The following CCDC97 variants were observed in gnomAD, a reference collection of about 807,000 sequenced individuals.
CCDC97 encodes coiled-coil domain-containing protein 97.
A neutral mutation model predicts 33.9 loss-of-function variants in CCDC97; 27 were observed. That is an observed-to-expected ratio of 0.80 (90% CI 0.59 to 1.10). The LOEUF (loss-of-function observed/expected upper bound fraction) is 1.10, where lower values mean the gene tolerates loss of function less well. CCDC97 is among the 50% of genes least tolerant of loss of function. CCDC97 has a pLI of 0.00. For missense variants in CCDC97, 422 were observed against 476.6 expected, an observed-to-expected ratio of 0.89 and a Z score of 1.07; for synonymous variants, 217 against 194.0, an observed-to-expected ratio of 1.12 and a Z score of -0.99.
Position 41,319,421 on chromosome 19 carries a change from G to A in CCDC97, c.503-153G>A, listed in dbSNP as rs534642999. 3.4e-4 allele frequency among the ~76,000 whole-genome samples: 52 copies of A among 152,348 alleles called. 2 individuals are homozygous for A. The South Asian group carries it at 9.7e-3, about 29-fold the overall frequency. On this transcript the variant is annotated intron_variant, in intron 2 of 4. Transcript: ENST00000269967. ...ATGAGTACTCACGCGCACCTCAGGT[G>A]CCTGCATGTTTTCCTGTGTTTTTGA...
intron 3 of CCDC97, 26 bp downstream of exon 3, chr19:41,319,878 C>T (rs377192822): frequency 4.5e-6 from 5 of 1,113,494 alleles, no homozygotes; most frequent in Non-Finnish European, 6.5e-6. Context: ...AGGAAGACCC[C>T]AGATTCCAGA....
intron 4 of CCDC97, among the ~76,000 whole-genome samples, chr19:41,322,033 C>T (rs1310754758): frequency 6.6e-6 from 1 of 152,236 alleles, no homozygotes; most frequent in Non-Finnish European, 1.5e-5. Context: ...TTGAGAGCCA[C>T]TGCCTGCTTG....
chr19:41,321,534 C>T (rs936082461), intron 4 of CCDC97, among the ~76,000 whole-genome samples: 9 of 152,200 alleles, frequency 5.9e-5, no homozygotes, highest in East Asian at 1.9e-4. Flanking sequence ...CCAAAACCAA[C>T]GAAAGGCTTC....
intron 1 of CCDC97, among the ~76,000 whole-genome samples, chr19:41,311,597 G>A (rs1001523810): frequency 1.3e-5 from 2 of 152,104 alleles, no homozygotes; most frequent in African/African-American, 2.4e-5. Context: ...GCCAGGCGTC[G>A]TGGTATGTGC....
rs767479324 is a variant in CCDC97 at position 41,319,596 on chromosome 19, G to A, written c.525G>A (p.Glu175=). The A allele has an allele frequency of 3.7e-6, 6 of 1,608,876 alleles. No homozygotes were observed. In the East Asian group the frequency reaches 6.7e-5, roughly 18 times the overall value. ...CAGGGGGCGAGTACTTCAGTGATGA[G>A]CAGATGCGGTTCCGGGCCCCCCTGC... is the stretch of plus-strand genomic sequence containing the variant. ...LIQGGEYFSD[E]QMRFRAPLLY... Residue 175 remains glutamate (E), a synonymous_variant, in exon 3 of 5, where the codon GAG becomes GAA. Coordinates refer to ENST00000269967, the MANE Select transcript of CCDC97 (RefSeq NM_052848.3).
Position 41,323,764 on chromosome 19 carries a change from C to G in CCDC97, c.*1049C>G, listed in dbSNP as rs1313614906. 3 of 154,316 alleles carry G rather than the reference C, an allele frequency of 1.9e-5. No individual in the cohort carries two copies. The highest frequency in any genetic ancestry group is 7.2e-5 in the African/African-American group (3 of 41,498). 9.6% of individuals were successfully genotyped at this position (154,316 alleles called of 1,614,324 possible). On this transcript the variant is annotated 3_prime_UTR_variant, in exon 5 of 5. Coordinates refer to ENST00000269967, the MANE Select transcript of CCDC97 (RefSeq NM_052848.3). Reference sequence around the variant, plus strand: ...ACAGCCTGCCCCAGCGTCCCTGCCCCCAGCTGGCCGCAGGGCCCGCCCCAT... The same window carrying G: ...ACAGCCTGCCCCAGCGTCCCTGCCCGCAGCTGGCCGCAGGGCCCGCCCCAT...
At chr19:41,311,708 G>C (rs1162771346) in intron 1 of CCDC97, among the ~76,000 whole-genome samples, 1 of 151,818 alleles carries the variant, frequency 6.6e-6, no homozygotes, top group African/African-American at 2.4e-5. Context: ...CTGTACTCCA[G>C]TCTGGGTAAC....
intron 1 of CCDC97, among the ~76,000 whole-genome samples, chr19:41,313,642 T>A (rs773882165): frequency 1.3e-5 from 2 of 152,298 alleles, no homozygotes; most frequent in African/African-American, 2.4e-5. Flanking sequence ...GCAGGCTTGC[T>A]CCCTCCACTC....
Position 41,324,072 on chromosome 19 carries a change from G to A in CCDC97, c.*1357G>A, listed in dbSNP as rs768542516. 3 of 152,376 alleles carry A rather than the reference G, an allele frequency of 2.0e-5. No homozygotes were observed. The highest frequency in any genetic ancestry group is 6.5e-5 in the Admixed American group (1 of 15,290). 9.4% of individuals were successfully genotyped at this position (152,376 alleles called of 1,614,324 possible). A position where few individuals can be genotyped will look rare whatever the true frequency, so the allele number is the denominator to read the frequency against. On this transcript the variant is annotated 3_prime_UTR_variant, in exon 5 of 5. Coordinates refer to ENST00000269967, the MANE Select transcript of CCDC97 (RefSeq NM_052848.3). ...CTCAAAACTGCCTCCTGGAGTCCAC[G>A]GTTCCTGACCTCCGAGCCTCAGCTA...
chr19:41,320,595 C>G, intron 4 of CCDC97, 125 bp downstream of exon 4: 1 of 1,277,272 alleles, frequency 7.8e-7, no homozygotes, highest in Non-Finnish European at 1.1e-6. Flanking sequence ...AAAACAGTTC[C>G]AGGATGTGGG....
intron 1 of CCDC97, among the ~76,000 whole-genome samples, chr19:41,314,253 T>G (rs1285630475): frequency 6.6e-6 from 1 of 152,144 alleles, no homozygotes; most frequent in African/African-American, 2.4e-5. Flanking sequence ...TTCAAGCTAT[T>G]CTCCTGCCTC....
At chr19:41,315,323 T>C (rs1248116009) in intron 1 of CCDC97, among the ~76,000 whole-genome samples, 1 of 112,002 alleles carries the variant, frequency 8.9e-6, no homozygotes, top group East Asian at 3.1e-4. Flanking sequence ...AAAAAAAGAT[T>C]GGCAGGGTGC....
intron 1 of CCDC97, among the ~76,000 whole-genome samples, chr19:41,312,764 A>G (rs1231799278): frequency 6.6e-6 from 1 of 151,530 alleles, no homozygotes; most frequent in Non-Finnish European, 1.5e-5. Flanking sequence ...ACATCACTCC[A>G]ATCTCTGCTT....
intron 2 of CCDC97, among the ~76,000 whole-genome samples, chr19:41,318,225 A>G (rs2037773654): frequency 6.6e-6 from 1 of 151,278 alleles, no homozygotes; most frequent in African/African-American, 2.4e-5. Flanking sequence ...GAGGCAGGCA[A>G]ATCACTTGAG....
intron 4 of CCDC97, among the ~76,000 whole-genome samples, chr19:41,322,105 G>GT (rs971499238): frequency 9.2e-5 from 14 of 152,006 alleles, no homozygotes; most frequent in Admixed American, 2.0e-4. Flanking sequence ...GAGCTTTGGG[G>GT]TTTTTTTTAG....
chr19:41,310,331 G>A lies in CCDC97; in HGVS notation c.21G>A (p.Ala7=). The A allele has an allele frequency of 6.2e-7, 1 of 1,606,526 alleles. No homozygotes were observed. The highest frequency in any genetic ancestry group is 8.5e-7 in the Non-Finnish European group (1 of 1,176,842). Residue 7 remains alanine (A), a synonymous_variant, in exon 1 of 5, where the codon GCG becomes GCA. Transcript: ENST00000269967. The stretch of plus-strand genomic sequence containing the variant: ...TCAGGATGGAGGCCGTGGCGACGGC[G>A]ACGGCGGCGAAGGAACCCGATAAGG... The part of the protein sequence containing the change: MEAVAT[A]TAAKEPDKGC...
chr19:41,318,570 C>T (rs1599875080), intron 2 of CCDC97, among the ~76,000 whole-genome samples: 1 of 152,180 alleles, frequency 6.6e-6, no homozygotes, highest in Admixed American at 6.5e-5. Context: ...CTGCAGAGGC[C>T]AGGAGTCCGA....
intron 2 of CCDC97, among the ~76,000 whole-genome samples, 175 bp from the exon 3 acceptor site, chr19:41,319,397 TGA>T (rs767228700): frequency 1.3e-5 from 2 of 152,148 alleles, no homozygotes; most frequent in Non-Finnish European, 2.9e-5. Context: ...GGCGCCTGCA[TGA>T]GTACTCACGC....
At chr19:41,310,461 C>T in intron 1 of CCDC97, 105 bp downstream of exon 1, 3 of 1,521,250 alleles carry the variant, frequency 2.0e-6, no homozygotes, top group Non-Finnish European at 1.8e-6. Context: ...GGGGGACACC[C>T]ACCCCCCTCA....
Sources: gnomAD v4.1 joint callset for allele counts (sites outside exome capture counted in the v4.1 genomes callset) on GRCh38, gnomAD v4.1.1 for gene constraint, MANE v1.5 for transcripts, NCBI Gene and HGNC (gene_info 2026-07-23, HGNC 2026-07-21) for gene names.